Variants in TBC1D16 observed in about 807,000 individuals in gnomAD.
The protein encoded by TBC1D16 is CTD-2529O21.1.
In TBC1D16, 58 loss-of-function variants were observed where a neutral mutation model predicts 74.7. The ratio of observed to expected loss-of-function variants is 0.78; its 90% confidence interval spans 0.63 to 0.97. The LOEUF (loss-of-function observed/expected upper bound fraction) is 0.97. TBC1D16 is among the 50% of genes least tolerant of loss of function. TBC1D16 has a pLI of 0.00. For missense variants in TBC1D16, 1,014 were observed against 1,079.5 expected (o/e 0.94, Z 0.85); for synonymous variants, 493 against 474.7 (o/e 1.04, Z -0.50).
chr17:79,952,549 C>G, intron 4 of TBC1D16, 108 bp downstream of exon 4: 1 of 1,392,842 alleles, frequency 7.2e-7, no homozygotes, highest in Non-Finnish European at 9.7e-7. Flanking sequence ...AGACTCCATC[C>G]AGGGCCCTGT....
intron 10 of TBC1D16, chr17:79,943,789 C>T (rs568197415): frequency 4.8e-6 from 6 of 1,248,714 alleles, no homozygotes; most frequent in African/African-American, 1.5e-5. Context: ...ACCCATCTGC[C>T]GGGCCACGCG....
At position 79,950,398 on chromosome 17, in the gene TBC1D16, A is replaced by T; in HGVS notation, c.1257+13T>A. 6.3e-7 allele frequency: 1 copy of T among 1,599,570 alleles called. No individual in the cohort carries two copies. Among genetic ancestry groups the T allele is most frequent in the Non-Finnish European group, 8.5e-7 (1 of 1,174,270 alleles). On this transcript the variant is annotated intron_variant, in intron 6 of 11. Coordinates refer to ENST00000310924, the MANE Select transcript of TBC1D16 (RefSeq NM_019020.4). This position sits in a 1 kb window ranked among gnomAD's most constrained non-coding sequence, Gnocchi z 4.6. Reference sequence around the variant, plus strand: ...GCTCTCCGCGGGGCCAGCTGGGCGGACCCGGACCTCACCTTCCGCAGCTTG... The same window carrying T: ...GCTCTCCGCGGGGCCAGCTGGGCGGTCCCGGACCTCACCTTCCGCAGCTTG...
At position 79,947,777 on chromosome 17, in the gene TBC1D16, C is replaced by T. The variant is rs140370046; in HGVS notation, c.1596G>A (p.Gly532=). 1 of 1,613,934 alleles carries T rather than the reference C, an allele frequency of 6.2e-7. No individual in the cohort carries two copies. ...AGATGGGCGCCACCAGGTCCGACAT[C>T]CCTTGGGAATAGCCGACGGCAGGGT... ...VYNPAVGYSQ[G]MSDLVAPILA... is the part of the protein sequence containing the mutation. Residue 532 remains glycine, a synonymous_variant, in exon 9 of 12, where the codon GGG becomes GGA. Transcript: ENST00000310924.
Position 79,945,202 on chromosome 17 carries a change from C to T in TBC1D16, c.1729-115G>A, listed in dbSNP as rs1376827849. 11 of 1,148,934 alleles carry T rather than the reference C, an allele frequency of 9.6e-6. No homozygotes were observed. In the African/African-American group the frequency reaches 1.4e-4, roughly 15 times the overall value. The allele number at this position is 1,148,934 out of a possible 1,614,324, so 71.2% of individuals were successfully genotyped here. ...GCCACCCCAGCCTGGAAAAGCACACCCAGGGGCCTCTACCTGCTGCATGTG... is the reference window on the plus strand; with the variant it reads ...GCCACCCCAGCCTGGAAAAGCACACTCAGGGGCCTCTACCTGCTGCATGTG... On this transcript the variant is annotated intron_variant, in intron 9 of 11. Transcript: ENST00000310924.
intron 3 of TBC1D16, among the ~76,000 whole-genome samples, chr17:79,991,445 C>T (rs2035054296): frequency 6.6e-6 from 1 of 152,148 alleles, no homozygotes. Context: ...GGCGGAAAGT[C>T]AGCAGGGAAG....
intron 3 of TBC1D16, among the ~76,000 whole-genome samples, chr17:79,969,992 A>G (rs560035432): frequency 6.6e-6 from 1 of 152,316 alleles, no homozygotes; most frequent in African/African-American, 2.4e-5. Flanking sequence ...ACATGTACAC[A>G]CATGTTCATA....
At chr17:80,032,803 A>ACCCGC (rs1555887321) in intron 1 of TBC1D16, among the ~76,000 whole-genome samples, 1 of 152,160 alleles carries the variant, frequency 6.6e-6, no homozygotes, top group African/African-American at 2.4e-5. Flanking sequence ...TCCCAGAGCC[A>ACCCGC]CCCGCCCCCG....
At chr17:79,972,159 T>G (rs74987668) in intron 3 of TBC1D16, among the ~76,000 whole-genome samples, 3 of 152,070 alleles carry the variant, frequency 2.0e-5, no homozygotes, top group Non-Finnish European at 4.4e-5. Context: ...TATTTAGCTA[T>G]AAAAAGGAAG....
At chr17:80,002,825 G>A (rs558207918) in intron 3 of TBC1D16, among the ~76,000 whole-genome samples, 82 of 152,372 alleles carry the variant, frequency 5.4e-4, no homozygotes, top group South Asian at 1.0e-3. Context: ...GCACAGGACC[G>A]CGTGCACTGC....
chr17:79,952,514 G>A lies in TBC1D16; in HGVS notation c.941+143C>T, dbSNP rs190451163. ...GGGAATCACTGCCCACAAGATCAGC[G>A]AGGGAGGAAAGCAGACGCTTGGGAA... On this transcript the variant is annotated intron_variant, in intron 4 of 11. Transcript: ENST00000310924. 2.5e-5 allele frequency: 27 copies of A among 1,063,200 alleles called. No individual in the cohort carries two copies. The East Asian group carries it at 5.5e-4, about 21-fold the overall frequency. 65.9% of individuals were successfully genotyped at this position (1,063,200 alleles called of 1,614,324 possible). A position where few individuals can be genotyped will look rare whatever the true frequency, so the allele number is the denominator to read the frequency against.
intron 3 of TBC1D16, among the ~76,000 whole-genome samples, chr17:79,967,236 TA>T (rs1254605589): frequency 6.6e-6 from 1 of 151,182 alleles, no homozygotes; most frequent in Non-Finnish European, 1.5e-5. Context: ...GATAAAGAAA[TA>T]AAATGCAAAA....
In TBC1D16 at chr17:79,990,242, A is replaced by G. The variant is rs920558484; in HGVS notation, c.779+19918T>C. Among the ~76,000 whole-genome samples the G allele has an allele frequency of 2.0e-4, 31 of 152,288 alleles. No individual in the cohort carries two copies. Among genetic ancestry groups the G allele is most frequent in the Middle Eastern group, 3.4e-3 (1 of 294 alleles). On this transcript the variant is annotated intron_variant, in intron 3 of 11. Transcript: ENST00000310924. The surrounding 1 kb of genome is among the most constrained non-coding windows in gnomAD (Gnocchi z 4.8). ...CGCGTGGACAGCAGCCGTAGCCCTCACAAGGCGTGTGCGGTGACGGGTCTC... is the reference window on the plus strand; with the variant it reads ...CGCGTGGACAGCAGCCGTAGCCCTCGCAAGGCGTGTGCGGTGACGGGTCTC...
intron 3 of TBC1D16, among the ~76,000 whole-genome samples, chr17:79,965,915 T>A (rs1438823494): frequency 6.6e-6 from 1 of 152,206 alleles, no homozygotes; most frequent in Non-Finnish European, 1.5e-5. Context: ...ATTGGCCTGG[T>A]CGCCTCTTTC....
chr17:79,969,696 C>T (rs1172056093), intron 3 of TBC1D16, among the ~76,000 whole-genome samples: 1 of 152,084 alleles, frequency 6.6e-6, no homozygotes, highest in East Asian at 1.9e-4. Flanking sequence ...AATCCCAGCA[C>T]TTTGGGAGGC....
At chr17:79,982,791 G>A (rs528422367) in intron 3 of TBC1D16, among the ~76,000 whole-genome samples, 19 of 152,206 alleles carry the variant, frequency 1.2e-4, no homozygotes, top group South Asian at 6.2e-4. Context: ...CCCAGGGGGC[G>A]GAGATTGCAG....
At chr17:79,991,551 G>A (rs950386805) in intron 3 of TBC1D16, among the ~76,000 whole-genome samples, 6 of 152,166 alleles carry the variant, frequency 3.9e-5, no homozygotes, top group African/African-American at 1.4e-4. Context: ...CCCCAGCCCG[G>A]CCCTCAGAAC....
chr17:80,025,047 A>AC (rs576656332), intron 1 of TBC1D16, among the ~76,000 whole-genome samples: 39 of 2,426 alleles, frequency 0.016, no homozygotes, highest in Non-Finnish European at 0.017. Flanking sequence ...ACCATGACAC[A>AC]ACCAGGCACA....
chr17:79,982,690 T>TA (rs879564299), intron 3 of TBC1D16, among the ~76,000 whole-genome samples: 53 of 142,674 alleles, frequency 3.7e-4, no homozygotes, highest in Middle Eastern at 3.5e-3. Context: ...CCGCATCTAC[T>TA]AAAAAAAAAA....
At position 80,013,442 on chromosome 17, in the gene TBC1D16, C is replaced by T; in HGVS notation, c.106G>A (p.Glu36Lys). 2 of 1,605,450 alleles carry T rather than the reference C, an allele frequency of 1.2e-6. No individual in the cohort carries two copies. Among genetic ancestry groups the T allele is most frequent in the Non-Finnish European group, 1.7e-6 (2 of 1,176,510 alleles). Residue 36 changes from glutamate (E) to lysine (K), a missense_variant, in exon 2 of 12, where the codon GAG (glutamate) becomes AAG (lysine). By Grantham distance (56) the Glu-to-Lys change is moderately conservative. Transcript: ENST00000310924. Reference protein sequence around the residue: ...GSGSPSVLDGEIIYSKNNVCV... With the variant: ...GSGSPSVLDGKIIYSKNNVCV... Reference sequence around the variant, plus strand: ...ACATTGTTCTTGGAGTAGATGATCTCTCCATCCAGGACAGAGGGGGACCCG... The same window carrying T: ...ACATTGTTCTTGGAGTAGATGATCTTTCCATCCAGGACAGAGGGGGACCCG...
Sources: allele counts gnomAD v4.1 joint callset (sites outside exome capture counted in the v4.1 genomes callset), GRCh38; gene constraint gnomAD v4.1.1; non-coding constraint Gnocchi (gnomAD v3.1); transcripts MANE v1.5; gene names NCBI Gene and HGNC (gene_info 2026-07-23, HGNC 2026-07-21).